Variants in ARIH1 observed in about 807,000 individuals in gnomAD.
The protein encoded by ARIH1 is ariadne RBR E3 ubiquitin protein ligase 1, also known as E3 ubiquitin-protein ligase ARIH1.
In ARIH1, 8 loss-of-function variants were observed where a neutral mutation model predicts 85.0. The ratio of observed to expected loss-of-function variants is 0.09; its 90% CI spans 0.06 to 0.17. ARIH1 has a LOEUF of 0.17. ARIH1 is among the 10% of genes least tolerant of loss of function. ARIH1 has a pLI of 1.00. For synonymous variants in ARIH1, 238 were observed against 253.6 expected (o/e 0.94, Z 0.59); for missense variants, 311 against 718.1 (o/e 0.43, Z 6.48).
At chr15:72,503,816 T>C (rs780294482) in intron 1 of ARIH1, among the ~76,000 whole-genome samples, 4 of 152,210 alleles carry the variant, frequency 2.6e-5, no homozygotes, top group African/African-American at 4.8e-5. Flanking sequence ...AGCAAGTGAA[T>C]GCGGGATCTG....
chr15:72,474,891 C>G lies in ARIH1; in HGVS notation c.252C>G (p.Gly84=). Residue 84 remains glycine (G), a synonymous_variant, in exon 1 of 14, where the codon GGC becomes GGG. Coordinates refer to ENST00000379887, the MANE Select transcript of ARIH1 (RefSeq NM_005744.5). ...LGPGGGGGGG[G]GGGGGGPGHE... is the part of the protein sequence containing the mutation. The stretch of plus-strand genomic sequence containing the variant: ...CCGGCGGTGGCGGCGGCGGCGGCGG[C>G]GGCGGTGGTGGTGGCGGGCCGGGGC... 1 of 1,429,462 alleles carries G rather than the reference C, an allele frequency of 7.0e-7. No homozygotes were observed. Among genetic ancestry groups the G allele is most frequent in the Non-Finnish European group, 9.2e-7 (1 of 1,085,698 alleles). 88.5% of individuals were successfully genotyped at this position (1,429,462 alleles called of 1,614,324 possible).
intron 1 of ARIH1, among the ~76,000 whole-genome samples, chr15:72,512,018 C>T (rs1315366179): frequency 1.3e-5 from 2 of 152,152 alleles, no homozygotes; most frequent in Non-Finnish European, 2.9e-5. Context: ...GGACGAACCC[C>T]ACTTGATTGT....
chr15:72,520,632 G>A (rs541754525), intron 2 of ARIH1, among the ~76,000 whole-genome samples: 160 of 151,832 alleles, frequency 1.1e-3, no homozygotes, highest in African/African-American at 3.6e-3. Context: ...CCTTTTTCTC[G>A]AATAATTTCA....
chr15:72,477,229 G>A (rs796116040), intron 1 of ARIH1, among the ~76,000 whole-genome samples: 11 of 152,090 alleles, frequency 7.2e-5, no homozygotes, highest in South Asian at 2.1e-4. Flanking sequence ...ATTGCCCCTC[G>A]CTTTTTGCTC....
At chr15:72,576,232 G>A (rs552892258) in intron 11 of ARIH1, among the ~76,000 whole-genome samples, 12 of 152,078 alleles carry the variant, frequency 7.9e-5, no homozygotes, top group African/African-American at 1.2e-4. Context: ...GGGGCCGGGC[G>A]CGGTGGCTCA....
At chr15:72,559,027 T>C (rs936092616) in intron 5 of ARIH1, among the ~76,000 whole-genome samples, 2 of 152,212 alleles carry the variant, frequency 1.3e-5, no homozygotes, top group African/African-American at 4.8e-5. Flanking sequence ...ATTACAGTTA[T>C]CCTTAGTATA....
chr15:72,486,182 TAC>T (rs2063836713), intron 1 of ARIH1, among the ~76,000 whole-genome samples: 1 of 152,184 alleles, frequency 6.6e-6, no homozygotes, highest in Non-Finnish European at 1.5e-5. Context: ...TCCCCTTATC[TAC>T]AGTTTCAGTT....
chr15:72,477,739 T>G (rs1024259022), intron 1 of ARIH1, among the ~76,000 whole-genome samples: 1 of 152,224 alleles, frequency 6.6e-6, no homozygotes, highest in Non-Finnish European at 1.5e-5. Flanking sequence ...AATTTGGTCT[T>G]TTGTTTAAAT....
rs2064359822 is a variant in ARIH1, at chr15:72,595,452, G to A, written c.*12160G>A. On this transcript the variant is annotated 3_prime_UTR_variant, in exon 14 of 14. Coordinates refer to ENST00000379887, the MANE Select transcript of ARIH1 (RefSeq NM_005744.5). ...GCCTCCTACAGTGCTGGGATTAGAGGTGTGAGCCACCACACTTGGCTCTCA... is the reference window on the plus strand; with the variant it reads ...GCCTCCTACAGTGCTGGGATTAGAGATGTGAGCCACCACACTTGGCTCTCA... 1 of 152,272 alleles carries A rather than the reference G, an allele frequency of 6.6e-6. No homozygotes were observed. The highest frequency in any genetic ancestry group is 1.5e-5 in the Non-Finnish European group (1 of 68,174). 9.4% of individuals were successfully genotyped at this position (152,272 alleles called of 1,614,324 possible). A position where few individuals can be genotyped will look rare whatever the true frequency, so the allele number is the denominator to read the frequency against.
intron 1 of ARIH1, among the ~76,000 whole-genome samples, chr15:72,489,276 T>G (rs1408343051): frequency 6.7e-6 from 1 of 148,234 alleles, no homozygotes; most frequent in Non-Finnish European, 1.5e-5. Context: ...AAAAGACAGT[T>G]GAATCAGTTT....
chr15:72,484,635 ATATATATATATGTG>A (rs1373418311), intron 1 of ARIH1, among the ~76,000 whole-genome samples: 2 of 151,388 alleles, frequency 1.3e-5, no homozygotes, highest in Admixed American at 6.6e-5. Flanking sequence ...TCCATCATAT[ATATATATATATGTG>A]TATATATATA....
chr15:72,487,932 C>T (rs1291905318), intron 1 of ARIH1, among the ~76,000 whole-genome samples: 7 of 152,134 alleles, frequency 4.6e-5, no homozygotes, highest in Non-Finnish European at 7.4e-5. Flanking sequence ...CCTTATCACC[C>T]CCAGTTGCAC....
chr15:72,556,426 G>A (rs2064174850), intron 5 of ARIH1, among the ~76,000 whole-genome samples: 1 of 152,144 alleles, frequency 6.6e-6, no homozygotes, highest in Admixed American at 6.5e-5. Flanking sequence ...AGAAAGAGCT[G>A]GGCCCAGTAC....
At chr15:72,526,321 A>G (rs2064028154) in intron 2 of ARIH1, among the ~76,000 whole-genome samples, 1 of 152,180 alleles carries the variant, frequency 6.6e-6, no homozygotes, top group Non-Finnish European at 1.5e-5. Flanking sequence ...TGAGGGCAAT[A>G]GAGGTATAAA....
chr15:72,492,901 G>T (rs575307248), intron 1 of ARIH1, among the ~76,000 whole-genome samples: 61 of 152,262 alleles, frequency 4.0e-4, no homozygotes, highest in African/African-American at 1.5e-3. Flanking sequence ...ATTTAAGGAT[G>T]GCAGTAAGCT....
chr15:72,482,562 T>C (rs150250332), intron 1 of ARIH1, among the ~76,000 whole-genome samples: 1 of 152,292 alleles, frequency 6.6e-6, no homozygotes, highest in East Asian at 1.9e-4. Context: ...AAATGCTGGA[T>C]AATAATGTAG....
intron 1 of ARIH1, among the ~76,000 whole-genome samples, chr15:72,516,530 A>G (rs924327204): frequency 2.6e-5 from 4 of 152,156 alleles, no homozygotes; most frequent in East Asian, 1.9e-4. Flanking sequence ...CAGTTAAAAT[A>G]TTTCTTTTCA....
chr15:72,481,082 G>A (rs1255794831), intron 1 of ARIH1, among the ~76,000 whole-genome samples: 1 of 152,212 alleles, frequency 6.6e-6, no homozygotes, highest in Non-Finnish European at 1.5e-5. Flanking sequence ...CATGATGTGT[G>A]CAGGCACATG....
At chr15:72,567,394 T>G (rs2064225851) in intron 9 of ARIH1, among the ~76,000 whole-genome samples, 1 of 152,100 alleles carries the variant, frequency 6.6e-6, no homozygotes, top group African/African-American at 2.4e-5. Flanking sequence ...CATCCACAGT[T>G]CTCTGCCTTA....
Sources: allele counts gnomAD v4.1 joint callset (sites outside exome capture counted in the v4.1 genomes callset), GRCh38; gene constraint gnomAD v4.1.1; transcripts MANE v1.5; gene names NCBI Gene and HGNC (gene_info 2026-07-23, HGNC 2026-07-21).